Variants in PTPRN2 observed in about 807,000 individuals in gnomAD.
The protein encoded by PTPRN2 is receptor-type tyrosine-protein phosphatase N2.
PTPRN2 carries 74 observed loss-of-function variants against 118.8 expected under a neutral mutation model. That is an observed-to-expected ratio of 0.62 (90% CI 0.52 to 0.76). PTPRN2 has a LOEUF of 0.76. Ranked by LOEUF, PTPRN2 falls within the 30% of genes least tolerant of loss-of-function variation. The pLI is 0.00. For missense variants in PTPRN2, 1,481 were observed against 1,394.4 expected (o/e 1.06, Z -0.99); for synonymous variants, 641 against 608.0 (o/e 1.05, Z -0.80).
At chr7:158,287,899 C>T (rs896828605) in intron 3 of PTPRN2, among the ~76,000 whole-genome samples, 2 of 152,050 alleles carry the variant, frequency 1.3e-5, no homozygotes, top group African/African-American at 4.8e-5. Context: ...CTGTCCATTG[C>T]CGAAAGTGGG....
At chr7:158,480,089 C>A (rs1820549720) in intron 2 of PTPRN2, among the ~76,000 whole-genome samples, 1 of 152,158 alleles carries the variant, frequency 6.6e-6, no homozygotes, top group Non-Finnish European at 1.5e-5. Flanking sequence ...GTCTGAGGAG[C>A]ACGACCTTCC....
At chr7:158,262,635 C>A (rs1444556591) in intron 3 of PTPRN2, among the ~76,000 whole-genome samples, 3 of 147,646 alleles carry the variant, frequency 2.0e-5, no homozygotes, top group African/African-American at 5.0e-5. Flanking sequence ...ATTCACACTG[C>A]AAACATTCAC....
intron 11 of PTPRN2, among the ~76,000 whole-genome samples, chr7:157,908,766 A>G (rs1797917060): frequency 6.6e-6 from 1 of 152,240 alleles, no homozygotes; most frequent in Non-Finnish European, 1.5e-5. Flanking sequence ...CTCTATTTAA[A>G]TACTTTTGAT....
chr7:158,309,496 C>G (rs770882076), intron 3 of PTPRN2, among the ~76,000 whole-genome samples: 3 of 152,180 alleles, frequency 2.0e-5, no homozygotes, highest in African/African-American at 4.8e-5. Context: ...CCTTAAAATA[C>G]TCCCCTTTAT....
Position 157,641,471 on chromosome 7 carries a change from G to A in PTPRN2, c.2196+14886C>T, listed in dbSNP as rs565434873. ...CACTGCAATACTCTGCAGTATGTTA[G>A]GAGATTTTCCCACAGTGGGCGTCAT... On this transcript the variant is annotated intron_variant, in intron 14 of 22. Transcript: ENST00000389418. Among the ~76,000 whole-genome samples the A allele has an allele frequency of 3.3e-5, 5 of 152,316 alleles. No individual in the cohort carries two copies. In the South Asian group the frequency reaches 1.0e-3, roughly 32 times the overall value.
chr7:157,853,441 GC>G (rs1380322073), intron 12 of PTPRN2, among the ~76,000 whole-genome samples: 1 of 152,068 alleles, frequency 6.6e-6, no homozygotes, highest in Non-Finnish European at 1.5e-5. Context: ...CCTCTGTCTG[GC>G]CCTCTCCCCA....
intron 11 of PTPRN2, among the ~76,000 whole-genome samples, chr7:158,041,464 C>T (rs945217137): frequency 1.3e-5 from 2 of 151,952 alleles, no homozygotes; most frequent in African/African-American, 4.8e-5. Context: ...ATGGTGAAAC[C>T]CTGTTTCCAC....
intron 16 of PTPRN2, among the ~76,000 whole-genome samples, chr7:157,597,776 T>C (rs555009412): frequency 6.6e-6 from 1 of 152,050 alleles, no homozygotes; most frequent in East Asian, 1.9e-4. Flanking sequence ...GCAGACTGAG[T>C]GGGGACCGGC....
intron 12 of PTPRN2, among the ~76,000 whole-genome samples, chr7:157,699,787 C>T (rs765231469): frequency 8.5e-5 from 13 of 152,192 alleles, no homozygotes; most frequent in Non-Finnish European, 1.9e-4. Context: ...GTCACTGAGA[C>T]GGAGCATTGG....
intron 3 of PTPRN2, among the ~76,000 whole-genome samples, chr7:158,214,247 G>A (rs959907201): frequency 1.2e-4 from 19 of 152,008 alleles, no homozygotes; most frequent in Admixed American, 7.9e-4. Flanking sequence ...AAATCTCTGA[G>A]CATACGTAAA....
chr7:157,796,854 A>T (rs34086124), intron 12 of PTPRN2, among the ~76,000 whole-genome samples: 21,811 of 152,144 alleles, frequency 0.14, 1,625 homozygotes, highest in African/African-American at 0.16. Flanking sequence ...AGGGTGGTGC[A>T]AAACCATTCA....
chr7:157,681,948 A>G (rs1353008176), intron 13 of PTPRN2, among the ~76,000 whole-genome samples: 1 of 152,240 alleles, frequency 6.6e-6, no homozygotes, highest in Non-Finnish European at 1.5e-5. Context: ...CCAGATGGGA[A>G]TATCTTCTCG....
chr7:158,253,510 A>G (rs927985031), intron 3 of PTPRN2, among the ~76,000 whole-genome samples: 5 of 152,276 alleles, frequency 3.3e-5, no homozygotes, highest in African/African-American at 1.2e-4. Context: ...CTGCAAAACC[A>G]TCTAGGGCAG....
chr7:158,112,674 C>T (rs1043977685), intron 9 of PTPRN2, among the ~76,000 whole-genome samples: 4 of 152,160 alleles, frequency 2.6e-5, no homozygotes, highest in African/African-American at 9.7e-5. Context: ...AGCAGGGCGT[C>T]CAGGCTAGGT....
At chr7:158,143,892 G>A (rs1819627809) in intron 6 of PTPRN2, among the ~76,000 whole-genome samples, 1 of 152,138 alleles carries the variant, frequency 6.6e-6, no homozygotes, top group South Asian at 2.1e-4. Flanking sequence ...TGCATCTGTA[G>A]ACACCGCCTT....
Position 157,540,722 on chromosome 7 carries a change from G to A in PTPRN2, c.3040C>T (p.Pro1014Ser). The change falls in exon 23 of 23, where the codon CCC becomes TCC. Residue 1014 changes from proline (P) to serine (S), a missense_variant. Coordinates refer to ENST00000389418, the MANE Select transcript of PTPRN2 (RefSeq NM_002847.5). The stretch of plus-strand genomic sequence containing the variant: ...GCCCCTGAGGCTGCCGCTCACTGGG[G>A]AAGGGCCTTGAGGATGGCGTTCACC... ...EEVNAILKAL[P>S]Q is the part of the protein sequence containing the mutation. 1 of 1,563,708 alleles carries A rather than the reference G, an allele frequency of 6.4e-7. No individual in the cohort carries two copies.
intron 1 of PTPRN2, among the ~76,000 whole-genome samples, chr7:158,533,476 A>G (rs1179728738): frequency 6.6e-6 from 1 of 152,178 alleles, no homozygotes; most frequent in Non-Finnish European, 1.5e-5. Flanking sequence ...GTGGAGTGCT[A>G]GGAAGCCATC....
At chr7:157,837,744 C>A (rs911688233) in intron 12 of PTPRN2, among the ~76,000 whole-genome samples, 3 of 152,248 alleles carry the variant, frequency 2.0e-5, no homozygotes, top group African/African-American at 4.8e-5. Flanking sequence ...GCAGGACTCA[C>A]ATCCTCCTTC....
chr7:158,262,343 A>G (rs1450676957), intron 3 of PTPRN2, among the ~76,000 whole-genome samples: 2 of 143,754 alleles, frequency 1.4e-5, no homozygotes, highest in Non-Finnish European at 3.0e-5. Flanking sequence ...CTGCACACAT[A>G]TTCACACACA....
Sources: gnomAD v4.1 joint callset for allele counts (sites outside exome capture counted in the v4.1 genomes callset) on GRCh38, gnomAD v4.1.1 for gene constraint, MANE v1.5 for transcripts, NCBI Gene and HGNC (gene_info 2026-07-23, HGNC 2026-07-21) for gene names.